The following TANC1 variants were observed in gnomAD, a reference collection of about 807,000 sequenced individuals.
The protein encoded by TANC1 is tetratricopeptide repeat, ankyrin repeat and coiled-coil containing 1.
In TANC1, 77 loss-of-function variants were observed where a neutral mutation model predicts 149.7. The observed-to-expected ratio is 0.51, with a 90% CI of 0.43 to 0.62. TANC1 has a LOEUF of 0.62. Among genes scored for constraint, TANC1 ranks in the 20% least tolerant of loss-of-function variants. The probability of loss-of-function intolerance (pLI) is 0.00; values close to 1 mark genes in which losing one functional copy is unlikely to be tolerated. For missense variants in TANC1, 1,985 were observed against 2,321.8 expected, an observed-to-expected ratio of 0.85 and a Z score of 2.98; for synonymous variants, 854 against 925.0, an observed-to-expected ratio of 0.92 and a Z score of 1.39.
At chr2:159,079,595 G>A (rs2044055707) in intron 3 of TANC1, among the ~76,000 whole-genome samples, 1 of 152,046 alleles carries the variant, frequency 6.6e-6, no homozygotes, top group African/African-American at 2.4e-5. Context: ...CAGTATCTAT[G>A]TCCTCTCCAT....
intron 14 of TANC1, among the ~76,000 whole-genome samples, chr2:159,182,761 C>T (rs943618747): frequency 9.2e-5 from 14 of 152,274 alleles, no homozygotes; most frequent in Admixed American, 8.5e-4. Context: ...TCTCAGGAGG[C>T]GCATGACATT....
rs111898486 is a variant in TANC1, at chr2:159,201,742, C to G, written c.3244+2689C>G. On this transcript the variant is annotated intron_variant, in intron 19 of 26. Transcript: ENST00000263635. ...AAAACTGGAAGCTTTGTGTGGATAA[C>G]AGTTCATTATTTATTTTGAAACCTT... 2.3e-3 allele frequency among the ~76,000 whole-genome samples: 348 copies of G among 152,338 alleles called. 2 individuals carry two copies. Among genetic ancestry groups the G allele is most frequent in the African/African-American group, 7.9e-3 (330 of 41,570 alleles).
intron 13 of TANC1, among the ~76,000 whole-genome samples, chr2:159,177,607 C>T (rs1360076339): frequency 6.6e-6 from 1 of 152,200 alleles, no homozygotes; most frequent in Non-Finnish European, 1.5e-5. Flanking sequence ...ATCTTACGTT[C>T]TTCTTCCCAG....
intron 16 of TANC1, among the ~76,000 whole-genome samples, chr2:159,189,399 C>T (rs1575164911): frequency 6.6e-6 from 1 of 152,166 alleles, no homozygotes; most frequent in Non-Finnish European, 1.5e-5. Context: ...GACAGGAGGG[C>T]AGAGCTCCCT....
At chr2:159,112,552 A>AG (rs953744868) in intron 4 of TANC1, among the ~76,000 whole-genome samples, 8 of 124,052 alleles carry the variant, frequency 6.4e-5, no homozygotes, top group South Asian at 2.8e-4. Context: ...CACTGCACCC[A>AG]GCCTTTTTTT....
At chr2:159,142,663 A>G (rs1574935301) in intron 5 of TANC1, among the ~76,000 whole-genome samples, 1 of 151,770 alleles carries the variant, frequency 6.6e-6, no homozygotes, top group Non-Finnish European at 1.5e-5. Flanking sequence ...AAAATGGAAT[A>G]TTGTTTTTAT....
chr2:159,200,393 C>T (rs1559447360), intron 19 of TANC1, among the ~76,000 whole-genome samples: 1 of 152,190 alleles, frequency 6.6e-6, no homozygotes, highest in Non-Finnish European at 1.5e-5. Flanking sequence ...GTCTAGAAAG[C>T]CTGACATAGG....
In TANC1 at chr2:159,159,466, A is replaced by G. The variant is rs556925533; in HGVS notation, c.683-3817A>G. Among the ~76,000 whole-genome samples, 27 of 151,608 alleles carry G rather than the reference A, an allele frequency of 1.8e-4. No homozygotes were observed. In the South Asian group the frequency reaches 5.0e-3, roughly 28 times the overall value. On this transcript the variant is annotated intron_variant, in intron 7 of 26. Coordinates refer to ENST00000263635, the MANE Select transcript of TANC1 (RefSeq NM_033394.3). ...AAAAAAAAAAAAAAAAACTTTGGGA[A>G]GGTGAAGAAAGAGTGCAGTCGTATT... is the stretch of plus-strand genomic sequence containing the variant.
intron 17 of TANC1, 151 bp downstream of exon 17, chr2:159,194,644 G>T: frequency 1.4e-6 from 1 of 706,276 alleles, no homozygotes; most frequent in South Asian, 1.8e-5. Flanking sequence ...ACTTTGTAAT[G>T]TGGCAGCCTC....
At chr2:159,131,477 C>T (rs967328256) in intron 4 of TANC1, among the ~76,000 whole-genome samples, 3 of 152,208 alleles carry the variant, frequency 2.0e-5, no homozygotes, top group Non-Finnish European at 2.9e-5. Flanking sequence ...GTCACCGAGG[C>T]TCTGGCCCGG....
At chr2:159,136,372 T>C in intron 5 of TANC1, 74 bp downstream of exon 5, 2 of 879,650 alleles carry the variant, frequency 2.3e-6, no homozygotes, top group South Asian at 1.4e-5. Context: ...TGAATGAAAC[T>C]TGAGTGTCCT....
At chr2:159,120,465 T>C (rs1200865025) in intron 4 of TANC1, among the ~76,000 whole-genome samples, 1 of 152,170 alleles carries the variant, frequency 6.6e-6, no homozygotes. Flanking sequence ...CTTTTGATGT[T>C]GAGAGAAGCA....
Position 158,991,489 on chromosome 2 carries a change from C to T in TANC1, c.-125-9591C>T, listed in dbSNP as rs1440165543. On this transcript the variant is annotated intron_variant, in intron 1 of 26. Coordinates refer to ENST00000263635, the MANE Select transcript of TANC1 (RefSeq NM_033394.3). ...ATATAAGAGGCTGGGGAGGGTGGCTCACGTCTGTAATCCCAGCACTTTGGG... is the reference window on the plus strand; with the variant it reads ...ATATAAGAGGCTGGGGAGGGTGGCTTACGTCTGTAATCCCAGCACTTTGGG... 2.6e-5 allele frequency among the ~76,000 whole-genome samples: 4 copies of T among 152,016 alleles called. No individual in the cohort carries two copies. The East Asian group carries it at 7.7e-4, about 29-fold the overall frequency.
At chr2:159,088,409 C>A (rs1034337416) in intron 3 of TANC1, among the ~76,000 whole-genome samples, 1 of 152,112 alleles carries the variant, frequency 6.6e-6, no homozygotes, top group African/African-American at 2.4e-5. Context: ...CTTGGGGAAA[C>A]CTTCCCGAGC....
intron 16 of TANC1, among the ~76,000 whole-genome samples, chr2:159,192,740 C>T (rs1224511034): frequency 6.6e-6 from 1 of 152,200 alleles, no homozygotes; most frequent in Non-Finnish European, 1.5e-5. Flanking sequence ...GCCTCCACCT[C>T]CTGCGTTCAA....
intron 3 of TANC1, among the ~76,000 whole-genome samples, chr2:159,081,204 G>T (rs1179201043): frequency 6.6e-6 from 1 of 152,218 alleles, no homozygotes; most frequent in Admixed American, 6.5e-5. Flanking sequence ...AAGAAAATTG[G>T]CTATCTTTAT....
At position 159,178,630 on chromosome 2, in the gene TANC1, C is replaced by A; in HGVS notation, c.1977C>A (p.Asp659Glu). 6.2e-7 allele frequency: 1 copy of A among 1,613,922 alleles called. No homozygotes were observed. The highest frequency in any genetic ancestry group is 8.5e-7 in the Non-Finnish European group (1 of 1,179,904). ...DFPDNKDIHS[D>E]LHAYVQHRVH... ...CAGACAACAAAGACATCCACAGTGA[C>A]CTGCACGCCTACGTCCAGCACAGGG... is the stretch of plus-strand genomic sequence containing the variant. Residue 659 changes from aspartate to glutamate, a missense_variant, in exon 14 of 27, where the codon GAC becomes GAA. Asp to Glu is a conservative substitution (Grantham distance 45). Coordinates refer to ENST00000263635, the MANE Select transcript of TANC1 (RefSeq NM_033394.3).
chr2:159,190,421 C>G (rs992961251), intron 16 of TANC1, among the ~76,000 whole-genome samples: 1 of 152,244 alleles, frequency 6.6e-6, no homozygotes, highest in African/African-American at 2.4e-5. Flanking sequence ...TGTATCTTCT[C>G]TACTCCTCTT....
At chr2:159,026,475 C>G (rs1396072796) in intron 2 of TANC1, among the ~76,000 whole-genome samples, 1 of 152,190 alleles carries the variant, frequency 6.6e-6, no homozygotes, top group South Asian at 2.1e-4. Flanking sequence ...ACCCTGCACT[C>G]TAGCCTTTAA....
Sources: gnomAD v4.1 joint callset for allele counts (sites outside exome capture counted in the v4.1 genomes callset) on GRCh38, gnomAD v4.1.1 for gene constraint, MANE v1.5 for transcripts, NCBI Gene and HGNC (gene_info 2026-07-23, HGNC 2026-07-21) for gene names.